Variants in SYCE2 observed in about 807,000 individuals in gnomAD.
SYCE2 encodes the protein central element synaptonemal complex 1.
A neutral mutation model predicts 27.9 loss-of-function variants in SYCE2; 3 were observed. The observed-to-expected ratio is 0.11, with a 90% confidence interval of 0.05 to 0.28. The LOEUF is 0.28. Ranked by LOEUF, SYCE2 falls within the 10% of genes least tolerant of loss-of-function variation. The pLI is 1.00. For synonymous variants in SYCE2, 85 were observed against 100.7 expected, an observed-to-expected ratio of 0.84 and a Z score of 0.93; for missense variants, 207 against 263.5, an observed-to-expected ratio of 0.79 and a Z score of 1.48.
intron 3 of SYCE2, among the ~76,000 whole-genome samples, chr19:12,902,569 AG>A (rs1322954596): frequency 6.6e-6 from 1 of 152,126 alleles, no homozygotes; most frequent in Non-Finnish European, 1.5e-5. Flanking sequence ...CAGGAGTTTG[AG>A]GCTCCAGTGA....
chr19:12,901,647 C>T (rs1421114628), intron 3 of SYCE2, among the ~76,000 whole-genome samples: 1 of 152,082 alleles, frequency 6.6e-6, no homozygotes, highest in African/African-American at 2.4e-5. Flanking sequence ...CGGAGTTTCG[C>T]TCTCATTGCC....
chr19:12,902,018 T>A (rs1970850285), intron 3 of SYCE2, among the ~76,000 whole-genome samples: 1 of 152,148 alleles, frequency 6.6e-6, no homozygotes, highest in Non-Finnish European at 1.5e-5. Flanking sequence ...CATAAGAGTA[T>A]AATGCCATAT....
At chr19:12,903,094 CTTTTTTTTT>C (rs1298868407) in intron 3 of SYCE2, among the ~76,000 whole-genome samples, 2 of 129,328 alleles carry the variant, frequency 1.5e-5, no homozygotes, top group East Asian at 2.4e-4. Context: ...TCTTTTTCTT[CTTTTTTTTT>C]TTTTTTGAGA....
At chr19:12,899,513 G>A (rs2145959080) in intron 5 of SYCE2, 128 bp from the exon 6 acceptor site, 1 of 1,614,176 alleles carries the variant, frequency 6.2e-7, no homozygotes, top group Non-Finnish European at 8.5e-7. Flanking sequence ...GCTATCACGG[G>A]AATCCAGGCG....
rs756603509 is a variant in SYCE2, at chr19:12,919,278, A to C, written c.-21T>G. 2.0e-5 allele frequency: 32 copies of C among 1,609,684 alleles called. No homozygotes were observed. Among genetic ancestry groups the C allele is most frequent in the Non-Finnish European group, 2.6e-5 (31 of 1,179,960 alleles). ...TCCATTCCGTATTTTCCCGCCTTCA[A>C]GCTCGCACCCTCTGCGCATGCGCCG... is the stretch of plus-strand genomic sequence containing the variant. On this transcript the variant is annotated 5_prime_UTR_variant, in exon 1 of 6. Transcript: ENST00000293695.
chr19:12,902,908 G>T (rs145117341), intron 3 of SYCE2, among the ~76,000 whole-genome samples: 148 of 150,018 alleles, frequency 9.9e-4, no homozygotes, highest in Non-Finnish European at 1.8e-3. Flanking sequence ...TATTTTGTTT[G>T]TTTGTTTGTT....
chr19:12,916,044 A>G (rs1057305187), intron 2 of SYCE2, among the ~76,000 whole-genome samples: 1 of 150,710 alleles, frequency 6.6e-6, no homozygotes, highest in African/African-American at 2.4e-5. Flanking sequence ...CCTGCTGCCA[A>G]TCACAATACT....
chr19:12,918,950 C>CA (rs751137312), intron 1 of SYCE2, among the ~76,000 whole-genome samples: 2,023 of 57,060 alleles, frequency 0.035, 51 homozygotes, highest in Admixed American at 0.14. Context: ...TACTTCGTCT[C>CA]AAAAAAAAAA....
chr19:12,916,193 C>T (rs953159735), intron 2 of SYCE2, among the ~76,000 whole-genome samples: 13 of 151,996 alleles, frequency 8.6e-5, no homozygotes, highest in East Asian at 1.9e-4. Flanking sequence ...CCTCAGGCTC[C>T]GGAGTAGCTG....
intron 2 of SYCE2, among the ~76,000 whole-genome samples, chr19:12,910,745 TC>T (rs1211219761): frequency 1.3e-5 from 2 of 151,670 alleles, no homozygotes; most frequent in Non-Finnish European, 2.9e-5. Context: ...TGGCACAATC[TC>T]GGCTCACTGC....
intron 2 of SYCE2, among the ~76,000 whole-genome samples, chr19:12,908,960 A>G (rs1970992708): frequency 6.6e-6 from 1 of 152,098 alleles, no homozygotes; most frequent in Non-Finnish European, 1.5e-5. Context: ...CCATTCCACA[A>G]TGCACAGGCT....
intron 3 of SYCE2, among the ~76,000 whole-genome samples, chr19:12,902,514 A>G (rs949158686): frequency 2.0e-5 from 3 of 152,158 alleles, no homozygotes; most frequent in African/African-American, 7.2e-5. Flanking sequence ...GCACACCTGT[A>G]GTCTCAGCTA....
intron 2 of SYCE2, among the ~76,000 whole-genome samples, chr19:12,908,930 T>C (rs1446852955): frequency 6.6e-6 from 1 of 152,150 alleles, no homozygotes; most frequent in Non-Finnish European, 1.5e-5. Flanking sequence ...TGCTGGCCCC[T>C]GCAGCTAATA....
rs1418276965 is a variant in SYCE2 at position 12,904,618 on chromosome 19, G to A, written c.180C>T (p.Phe60=). The change falls in exon 3 of 6, where the codon TTC becomes TTT. Residue 60 remains phenylalanine (F), a synonymous_variant. Coordinates refer to ENST00000293695, the MANE Select transcript of SYCE2 (RefSeq NM_001105578.2). ...TVLEGKSGLY[F]SSLDSSIDIL... ...TGTCAATGCTTGAGTCCAGAGAGGA[G>A]AAGTAGAGTCCCGACTTCCCTTCCA... The A allele has an allele frequency of 6.2e-7, 1 of 1,613,782 alleles. No individual in the cohort carries two copies.
At chr19:12,908,578 C>T (rs1461879300) in intron 2 of SYCE2, among the ~76,000 whole-genome samples, 1 of 152,108 alleles carries the variant, frequency 6.6e-6, no homozygotes, top group Non-Finnish European at 1.5e-5. Flanking sequence ...CCCACCTCAG[C>T]CTCTCAAAGT....
chr19:12,901,418 C>T (rs1407056591), intron 3 of SYCE2, among the ~76,000 whole-genome samples: 2 of 148,124 alleles, frequency 1.4e-5, no homozygotes, highest in African/African-American at 5.0e-5. Flanking sequence ...CGCGCACTTG[C>T]AGTCCCAGCT....
Position 12,904,660 on chromosome 19 carries a change from A to C in SYCE2, c.138T>G (p.Ser46Arg). 1 of 1,613,618 alleles carries C rather than the reference A, an allele frequency of 6.2e-7. No individual in the cohort carries two copies. Among genetic ancestry groups the C allele is most frequent in the Admixed American group, 1.7e-5 (1 of 59,976 alleles). Reference sequence around the variant, plus strand: ...TCCCTTCCAGGACCGTCAGCTGGCAACTGGCACTGGAGGTGGCGACACAAG... The same window carrying C: ...TCCCTTCCAGGACCGTCAGCTGGCACCTGGCACTGGAGGTGGCGACACAAG... ...EEAGGGPASASCQLTVLEGKS... is the reference protein window; with the variant it reads ...EEAGGGPASARCQLTVLEGKS... The change falls in exon 3 of 6, where the codon AGT becomes AGG. Residue 46 changes from serine to arginine, a missense_variant. Physicochemically the swap from Ser to Arg is moderately radical, Grantham distance 110. Transcript: ENST00000293695.
chr19:12,910,069 C>T (rs1001551097), intron 2 of SYCE2, among the ~76,000 whole-genome samples: 2 of 151,202 alleles, frequency 1.3e-5, no homozygotes, highest in Non-Finnish European at 2.9e-5. Flanking sequence ...GTTTCAACAT[C>T]TTGGCCAGGC....
chr19:12,899,524 T>C lies in SYCE2; in HGVS notation c.613-139A>G, dbSNP rs1458903062. 6.2e-7 allele frequency: 1 copy of C among 1,614,196 alleles called. No homozygotes were observed. The highest frequency in any genetic ancestry group is 8.5e-7 in the Non-Finnish European group (1 of 1,180,036). On this transcript the variant is annotated intron_variant, in intron 5 of 5. Coordinates refer to ENST00000293695, the MANE Select transcript of SYCE2 (RefSeq NM_001105578.2). ...GAGAGCTATCACGGGAATCCAGGCG[T>C]TCACGGCCAGCAAGTGAGCCGCTCC...
Sources: gnomAD v4.1 joint callset for allele counts (sites outside exome capture counted in the v4.1 genomes callset) on GRCh38, gnomAD v4.1.1 for gene constraint, MANE v1.5 for transcripts, NCBI Gene and HGNC (gene_info 2026-07-23, HGNC 2026-07-21) for gene names.